The following EXT1 variants were observed in gnomAD, a reference collection of about 807,000 sequenced individuals.
EXT1 encodes the protein exostosin-1.
Under a neutral mutation model 82.5 loss-of-function variants are expected in EXT1, and 20 were observed. The observed-to-expected ratio is 0.24, with a 90% CI of 0.17 to 0.35. EXT1 has a LOEUF of 0.35. Among genes scored for constraint, EXT1 ranks in the 10% least tolerant of loss-of-function variants. The probability of loss-of-function intolerance (pLI) is 1.00; values close to 1 mark genes in which losing one functional copy is unlikely to be tolerated. For missense variants in EXT1, 757 were observed against 936.5 expected, an observed-to-expected ratio of 0.81 and a Z score of 2.50; for synonymous variants, 348 against 350.8, an observed-to-expected ratio of 0.99 and a Z score of 0.09.
intron 8 of EXT1, among the ~76,000 whole-genome samples, chr8:117,811,921 TG>T (rs2129716997): frequency 6.6e-6 from 1 of 152,270 alleles, no homozygotes; most frequent in South Asian, 2.1e-4. Context: ...GCCACATCTG[TG>T]GAATTTCAAG....
At chr8:118,073,471 A>G (rs1817132874) in intron 1 of EXT1, among the ~76,000 whole-genome samples, 1 of 152,134 alleles carries the variant, frequency 6.6e-6, no homozygotes, top group Non-Finnish European at 1.5e-5. Flanking sequence ...AAATACAAAA[A>G]TTAGCTGGGC....
chr8:117,942,848 T>G (rs2129676626), intron 1 of EXT1, among the ~76,000 whole-genome samples: 1 of 152,302 alleles, frequency 6.6e-6, no homozygotes, highest in Non-Finnish European at 1.5e-5. Context: ...TTCTACAAGT[T>G]GAATAAATTG....
chr8:117,953,803 G>A (rs920046716), intron 1 of EXT1, among the ~76,000 whole-genome samples: 4 of 151,878 alleles, frequency 2.6e-5, no homozygotes, highest in East Asian at 1.9e-4. Flanking sequence ...CCAGCTACTC[G>A]GGAGGCTGAG....
At position 118,110,168 on chromosome 8, in the gene EXT1, C is replaced by A; in HGVS notation, c.879G>T (p.Val293=). The change falls in exon 1 of 11, where the codon GTG becomes GTT. Residue 293 remains valine, a synonymous_variant. Coordinates refer to ENST00000378204, the MANE Select transcript of EXT1 (RefSeq NM_000127.3). ...TGCCATGCTTGCAGGTGGTGAGGAG[C>A]ACAACGTCCTCCCCGTTATGGACGT... The part of the protein sequence containing the change: ...LYHVHNGEDV[V]LLTTCKHGKD... 6.2e-7 allele frequency: 1 copy of A among 1,614,212 alleles called. No homozygotes were observed. The highest frequency in any genetic ancestry group is 8.5e-7 in the Non-Finnish European group (1 of 1,180,040).
At chr8:118,092,619 C>G (rs997960814) in intron 1 of EXT1, among the ~76,000 whole-genome samples, 11 of 152,160 alleles carry the variant, frequency 7.2e-5, no homozygotes, top group African/African-American at 2.7e-4. Context: ...GCCTGGACCC[C>G]TAAAATTATA....
At chr8:117,885,494 C>CA (rs11300586) in intron 1 of EXT1, among the ~76,000 whole-genome samples, 1,047 of 103,370 alleles carry the variant, frequency 0.01, 9 homozygotes, top group African/African-American at 0.026. Context: ...AAGTAACAGA[C>CA]AAAAAAAAAA....
intron 1 of EXT1, among the ~76,000 whole-genome samples, chr8:118,053,091 G>A (rs1196521927): frequency 3.3e-5 from 5 of 152,204 alleles, no homozygotes; most frequent in African/African-American, 1.2e-4. Flanking sequence ...GTTGAAGCCT[G>A]ACACATCCCT....
At chr8:118,059,076 G>T (rs1816839972) in intron 1 of EXT1, among the ~76,000 whole-genome samples, 1 of 152,168 alleles carries the variant, frequency 6.6e-6, no homozygotes, top group East Asian at 1.9e-4. Flanking sequence ...CTGGTACTAT[G>T]CTGGGAGGAC....
intron 1 of EXT1, among the ~76,000 whole-genome samples, chr8:117,916,131 T>C (rs1813744510): frequency 6.6e-6 from 1 of 152,224 alleles, no homozygotes; most frequent in South Asian, 2.1e-4. Flanking sequence ...AGAAAAGTTA[T>C]TTATACATAA....
chr8:117,822,637 T>C, intron 4 of EXT1, 40 bp from the exon 5 acceptor site: 5 of 1,606,978 alleles, frequency 3.1e-6, no homozygotes, highest in Non-Finnish European at 3.4e-6. Context: ...GATGAGATCC[T>C]GATGATATTT....
chr8:117,945,819 A>G (rs1468649774), intron 1 of EXT1, among the ~76,000 whole-genome samples: 1 of 152,096 alleles, frequency 6.6e-6, no homozygotes, highest in East Asian at 1.9e-4. Context: ...TTTATTTCAG[A>G]TGTTAGACTT....
chr8:117,988,849 C>G (rs1029822014), intron 1 of EXT1, among the ~76,000 whole-genome samples: 16 of 152,112 alleles, frequency 1.1e-4, no homozygotes, highest in African/African-American at 3.4e-4. Context: ...GGACAAGTGG[C>G]CACACAGAGA....
chr8:117,950,012 G>A (rs1814461376), intron 1 of EXT1, among the ~76,000 whole-genome samples: 1 of 152,050 alleles, frequency 6.6e-6, no homozygotes, highest in Non-Finnish European at 1.5e-5. Context: ...ATCGCTTGAG[G>A]TCAGGAGTCT....
At chr8:118,028,117 G>A (rs1167563706) in intron 1 of EXT1, among the ~76,000 whole-genome samples, 20 of 152,124 alleles carry the variant, frequency 1.3e-4, no homozygotes, top group Admixed American at 1.3e-3. Flanking sequence ...GCCCCTAAAG[G>A]CCCTTGTGTT....
At chr8:117,920,852 G>A (rs917000945) in intron 1 of EXT1, among the ~76,000 whole-genome samples, 4 of 152,136 alleles carry the variant, frequency 2.6e-5, no homozygotes, top group Non-Finnish European at 1.5e-5. Flanking sequence ...GATAACAGGA[G>A]TGGCTGCTTC....
intron 1 of EXT1, among the ~76,000 whole-genome samples, chr8:118,105,406 C>T (rs1180610819): frequency 6.6e-6 from 1 of 152,220 alleles, no homozygotes; most frequent in Non-Finnish European, 1.5e-5. Context: ...AGGCCCCTAG[C>T]TTAGATCACA....
intron 1 of EXT1, among the ~76,000 whole-genome samples, chr8:117,940,918 C>T (rs953528530): frequency 1.1e-4 from 16 of 152,122 alleles, no homozygotes; most frequent in African/African-American, 3.1e-4. Context: ...AGGCAGCCTA[C>T]AGCCAGTTAG....
chr8:118,066,209 AG>A (rs1358352336), intron 1 of EXT1, among the ~76,000 whole-genome samples: 1 of 152,146 alleles, frequency 6.6e-6, no homozygotes, highest in Non-Finnish European at 1.5e-5. Flanking sequence ...CCTCCTCCTC[AG>A]CCCTACTCAA....
rs1055077580 is a variant in EXT1, at chr8:117,986,676, T to A, written c.962+123409A>T. 2.6e-5 allele frequency among the ~76,000 whole-genome samples: 4 copies of A among 152,318 alleles called. No homozygotes were observed. The South Asian group carries it at 8.3e-4, about 32-fold the overall frequency. ...TTAAATTCTAGAGAAAGCTATACAT[T>A]GGTGCTAGGCTCATTTTTTAAAAAC... On this transcript the variant is annotated intron_variant, in intron 1 of 10. Transcript: ENST00000378204.
Sources: gnomAD v4.1 joint callset for allele counts (sites outside exome capture counted in the v4.1 genomes callset) on GRCh38, gnomAD v4.1.1 for gene constraint, MANE v1.5 for transcripts, NCBI Gene and HGNC (gene_info 2026-07-23, HGNC 2026-07-21) for gene names.